ROBO2: variants seen among roughly 807,000 people sequenced by gnomAD.
The protein encoded by ROBO2 is roundabout homolog 2.
A neutral mutation model predicts 160.8 loss-of-function variants in ROBO2; 53 were observed. The observed-to-expected ratio is 0.33, with a 90% CI of 0.26 to 0.41. ROBO2 has a LOEUF of 0.41. Among genes scored for constraint, ROBO2 ranks in the 10% least tolerant of loss-of-function variants. The pLI, the probability that ROBO2 is intolerant of heterozygous loss-of-function variation, is 1.00. For missense variants in ROBO2, 1,577 were observed against 1,722.4 expected, an observed-to-expected ratio of 0.92 and a Z score of 1.49; for synonymous variants, 664 against 611.7, an observed-to-expected ratio of 1.09 and a Z score of -1.26.
chr3:76,009,149 C>A (rs570595758), intron 2 of ROBO2, among the ~76,000 whole-genome samples: 5 of 152,168 alleles, frequency 3.3e-5, no homozygotes, highest in African/African-American at 1.2e-4. Context: ...GTCGCCCAGG[C>A]TGGAGTGCAG....
intron 2 of ROBO2, among the ~76,000 whole-genome samples, chr3:77,188,968 TGAGAGAGA>T (rs1553828869): frequency 7.0e-6 from 1 of 142,198 alleles, no homozygotes; most frequent in East Asian, 2.0e-4. Context: ...TGTGTGTGTG[TGAGAGAGA>T]GAGAGAGAGA....
At chr3:76,027,859 A>G (rs566498839) in intron 2 of ROBO2, among the ~76,000 whole-genome samples, 4 of 152,012 alleles carry the variant, frequency 2.6e-5, no homozygotes, top group South Asian at 2.1e-4. Context: ...CTCTATTTTT[A>G]TTTGCTAAAT....
rs186502455 is a variant in ROBO2 at position 77,289,270 on chromosome 3, G to C, written c.389-188144G>C. ...GTAAGTTCCTTTGGAAGTGACAATTGAGAAAGACATAAAGTAAAATTGACG... is the reference window on the plus strand; with the variant it reads ...GTAAGTTCCTTTGGAAGTGACAATTCAGAAAGACATAAAGTAAAATTGACG... On this transcript the variant is annotated intron_variant, in intron 2 of 25. Transcript: ENST00000461745. Among the ~76,000 whole-genome samples the C allele has an allele frequency of 5.9e-5, 9 of 152,242 alleles. No individual in the cohort carries two copies. In the East Asian group the frequency reaches 1.7e-3, roughly 29 times the overall value.
intron 2 of ROBO2, among the ~76,000 whole-genome samples, chr3:76,132,408 G>T (rs1376589522): frequency 6.8e-5 from 5 of 73,866 alleles, no homozygotes; most frequent in African/African-American, 1.7e-4. Flanking sequence ...GGGGGGGGGG[G>T]ACGCAGATGT....
intron 2 of ROBO2, among the ~76,000 whole-genome samples, chr3:76,017,497 A>G (rs1429333590): frequency 1.3e-5 from 2 of 152,176 alleles, no homozygotes; most frequent in Non-Finnish European, 2.9e-5. Flanking sequence ...GCCATGTTAT[A>G]GTTATAAACT....
Position 76,802,707 on chromosome 3 carries a change from G to C in ROBO2, c.110-295307G>C, listed in dbSNP as rs1281498638. On this transcript the variant is annotated intron_variant, in intron 2 of 26. Transcript: ENST00000487694. ...GGCGTCACTGCACTCCAGCCTGGGC[G>C]ACAGAGCGAGACTCCGTCTCAAAAA... Among the ~76,000 whole-genome samples the C allele has an allele frequency of 4.3e-5, 6 of 139,400 alleles. No homozygotes were observed. In the Admixed American group the frequency reaches 4.6e-4, roughly 11 times the overall value. The allele number at this position is 139,400 out of a possible 152,430, so 91.5% of individuals were successfully genotyped here.
At chr3:77,250,250 C>A (rs1173222293) in intron 2 of ROBO2, among the ~76,000 whole-genome samples, 5 of 152,158 alleles carry the variant, frequency 3.3e-5, no homozygotes, top group Non-Finnish European at 4.4e-5. Context: ...TAGCTCTCCT[C>A]ATCTGTAAAA....
rs187315360 is a variant in ROBO2, at chr3:77,543,493, C to T, written c.935-2845C>T. ...TATATTTTAGCAGTGGTGTTAAAAT[C>T]GTATTATCTGGATGCCAAAAGCATT... On this transcript the variant is annotated intron_variant, in intron 6 of 25. Transcript: ENST00000461745. Among the ~76,000 whole-genome samples the T allele has an allele frequency of 4.5e-4, 69 of 152,204 alleles. No homozygotes were observed. In the East Asian group the frequency reaches 4.9e-3, roughly 11 times the overall value.
intron 2 of ROBO2, among the ~76,000 whole-genome samples, chr3:76,789,904 T>A (rs540153244): frequency 1.4e-4 from 22 of 151,790 alleles, no homozygotes; most frequent in Non-Finnish European, 2.8e-4. Context: ...AATTCTATAA[T>A]TTGGAAAGTA....
intron 2 of ROBO2, among the ~76,000 whole-genome samples, chr3:76,692,930 A>AGT (rs1197850161): frequency 6.6e-6 from 1 of 151,042 alleles, no homozygotes; most frequent in Non-Finnish European, 1.5e-5. Flanking sequence ...ATCTATATAT[A>AGT]GTGTGTATAT....
chr3:76,368,677 C>A (rs945873247), intron 2 of ROBO2, among the ~76,000 whole-genome samples: 4 of 151,916 alleles, frequency 2.6e-5, no homozygotes, highest in African/African-American at 9.7e-5. Flanking sequence ...GACCTGGACC[C>A]AGAAAATAGC....
exon 12 of ROBO2, chr3:77,565,045 T>C (rs1248054671): frequency 2.7e-5 from 44 of 1,613,646 alleles, no homozygotes; most frequent in Non-Finnish European, 3.4e-5. Context: ...TACAATCTAC[T>C]TATTCATGGT....
intron 2 of ROBO2, among the ~76,000 whole-genome samples, chr3:77,174,385 A>G (rs1011976311): frequency 6.6e-6 from 1 of 152,062 alleles, no homozygotes; most frequent in African/African-American, 2.4e-5. Flanking sequence ...AGAAACAATT[A>G]TATTAGCCCG....
At chr3:76,475,042 C>A (rs1169703012) in intron 2 of ROBO2, among the ~76,000 whole-genome samples, 1 of 151,570 alleles carries the variant, frequency 6.6e-6, no homozygotes, top group African/African-American at 2.4e-5. Flanking sequence ...GGACAGTTTG[C>A]CCACCAAGAT....
At chr3:76,083,374 A>G (rs1385392576) in intron 2 of ROBO2, among the ~76,000 whole-genome samples, 1 of 152,104 alleles carries the variant, frequency 6.6e-6, no homozygotes, top group Non-Finnish European at 1.5e-5. Context: ...TTAAAATGAG[A>G]GTTAAGGTTG....
At chr3:76,947,066 A>C (rs2078598177) in intron 2 of ROBO2, among the ~76,000 whole-genome samples, 1 of 152,194 alleles carries the variant, frequency 6.6e-6, no homozygotes, top group South Asian at 2.1e-4. Flanking sequence ...CAGAATTTGA[A>C]AACATATTCT....
intron 2 of ROBO2, among the ~76,000 whole-genome samples, chr3:76,046,465 C>A (rs1381254418): frequency 6.6e-6 from 1 of 151,744 alleles, no homozygotes; most frequent in Non-Finnish European, 1.5e-5. Flanking sequence ...CCGGCTAACG[C>A]GGTGAAGCCC....
chr3:77,209,582 T>A (rs1483501914), intron 2 of ROBO2, among the ~76,000 whole-genome samples: 1 of 152,122 alleles, frequency 6.6e-6, no homozygotes, highest in African/African-American at 2.4e-5. Flanking sequence ...GATTATAACG[T>A]GGGTATGCCA....
chr3:77,258,547 C>T (rs377028186), intron 2 of ROBO2, among the ~76,000 whole-genome samples: 16 of 151,122 alleles, frequency 1.1e-4, no homozygotes, highest in South Asian at 2.1e-4. Flanking sequence ...CGTTTGAACC[C>T]GGGAGGTTAA....
Sources: allele counts gnomAD v4.1 joint callset (sites outside exome capture counted in the v4.1 genomes callset), GRCh38; gene constraint gnomAD v4.1.1; transcripts MANE v1.5; gene names NCBI Gene and HGNC (gene_info 2026-07-23, HGNC 2026-07-21).